SATL1: variants seen among roughly 807,000 people sequenced by gnomAD.
SATL1 encodes spermidine/spermine N1-acetyl transferase like 1.
In SATL1, 47 loss-of-function variants were observed where a neutral mutation model predicts 51.8. The ratio of observed to expected loss-of-function variants is 0.91; its 90% CI spans 0.72 to 1.16. The LOEUF (loss-of-function observed/expected upper bound fraction) is 1.16, where lower values mean the gene tolerates loss of function less well. Among genes scored for constraint, SATL1 ranks in the 50% most tolerant of loss-of-function variants. SATL1 has a pLI of 0.00. For synonymous variants in SATL1, 176 were observed against 182.4 expected (o/e 0.97, Z 0.28); for missense variants, 520 against 526.4 (o/e 0.99, Z 0.12).
intron 2 of SATL1, chrX:85,117,670 A>C (rs759548584): frequency 8.9e-6 from 1 of 111,757 alleles, no homozygotes; most frequent in East Asian, 2.8e-4. Flanking sequence ...ATAGGTTCTG[A>C]AATAAGAACT....
chrX:85,093,988 A>C, intron 6 of SATL1, 140 bp downstream of exon 6: 1 of 389,284 alleles, frequency 2.6e-6, no homozygotes, highest in South Asian at 6.3e-5. Context: ...CAAACTCATT[A>C]GGATAGTGAT....
chrX:85,222,035 T>C (rs1450075355), intron 2 of SATL1, among the ~76,000 whole-genome samples: 5 of 111,723 alleles, frequency 4.5e-5, no homozygotes, highest in African/African-American at 1.6e-4. Flanking sequence ...AGGCTGCTAT[T>C]GTAAGTTCTA....
At chrX:85,242,423 T>A (rs777326386) in intron 1 of SATL1, among the ~76,000 whole-genome samples, 1 of 112,721 alleles carries the variant, frequency 8.9e-6, no homozygotes, top group Non-Finnish European at 1.9e-5. Flanking sequence ...GACTGCTGCC[T>A]GTTATTCTAT....
At chrX:85,227,148 C>T (rs189041513) in intron 1 of SATL1, among the ~76,000 whole-genome samples, 200 of 111,558 alleles carry the variant, frequency 1.8e-3, no homozygotes, top group African/African-American at 6.1e-3. Flanking sequence ...TGACCACGAA[C>T]CTCATCTGTG....
chrX:85,159,603 G>A (rs1451825153), intron 2 of SATL1, among the ~76,000 whole-genome samples: 1 of 111,549 alleles, frequency 9.0e-6, no homozygotes, highest in Non-Finnish European at 1.9e-5. Flanking sequence ...GAAGTGTACT[G>A]GAAATAAGAA....
At chrX:85,098,565 C>G (rs752315803) in intron 4 of SATL1, among the ~76,000 whole-genome samples, 1 of 111,716 alleles carries the variant, frequency 9.0e-6, no homozygotes, top group Non-Finnish European at 1.9e-5. Flanking sequence ...AGGTCACATA[C>G]CAAGTCTTAA....
chrX:85,181,892 C>T (rs1249195920), intron 2 of SATL1, among the ~76,000 whole-genome samples: 1 of 111,277 alleles, frequency 9.0e-6, no homozygotes, highest in Non-Finnish European at 1.9e-5. Context: ...ACAATGTGTA[C>T]ATTTTTCTGG....
chrX:85,105,088 T>A (rs1215675806), intron 3 of SATL1, among the ~76,000 whole-genome samples: 1 of 111,969 alleles, frequency 8.9e-6, no homozygotes, highest in Non-Finnish European at 1.9e-5. Flanking sequence ...TTTGAATTTT[T>A]AAAATGTTTC....
intron 2 of SATL1, chrX:85,142,777 A>G (rs867042975): frequency 1.3e-4 from 15 of 111,638 alleles, no homozygotes; most frequent in African/African-American, 4.6e-4. Context: ...GGAGAAAAAG[A>G]GAGAAAATAT....
At chrX:85,149,882 C>T (rs1248023346) in intron 2 of SATL1, among the ~76,000 whole-genome samples, 6 of 111,633 alleles carry the variant, frequency 5.4e-5, no homozygotes, top group Non-Finnish European at 9.4e-5. Context: ...AAAATTGACA[C>T]CCTAACATCA....
At chrX:85,107,256 C>T in intron 3 of SATL1, 72 bp downstream of exon 3, 1 of 923,895 alleles carries the variant, frequency 1.1e-6, no homozygotes, top group Non-Finnish European at 1.5e-6. Context: ...ATTCGAACCC[C>T]AACTATGCCT....
At chrX:85,196,768 A>T (rs982050011) in intron 2 of SATL1, among the ~76,000 whole-genome samples, 15 of 111,765 alleles carry the variant, frequency 1.3e-4, no homozygotes, top group Non-Finnish European at 1.7e-4. Flanking sequence ...CAAAAAAATC[A>T]TCCTGGGACA....
intron 1 of SATL1, among the ~76,000 whole-genome samples, chrX:85,229,209 C>T (rs758768197): frequency 8.9e-6 from 1 of 111,755 alleles, no homozygotes; most frequent in South Asian, 3.7e-4. Context: ...GACCAAATGC[C>T]TTCACTGGTG....
At chrX:85,132,400 G>A (rs1017466105) in intron 2 of SATL1, among the ~76,000 whole-genome samples, 1 of 108,690 alleles carries the variant, frequency 9.2e-6, no homozygotes, top group African/African-American at 3.4e-5. Flanking sequence ...TCATTAATTT[G>A]ATCTTCAATC....
intron 2 of SATL1, among the ~76,000 whole-genome samples, chrX:85,129,576 A>T (rs946520111): frequency 5.4e-5 from 6 of 111,859 alleles, no homozygotes; most frequent in African/African-American, 2.0e-4. Context: ...TAAATATACA[A>T]TCATGTCTTC....
intron 2 of SATL1, among the ~76,000 whole-genome samples, chrX:85,195,378 G>T (rs966905592): frequency 2.7e-5 from 3 of 111,459 alleles, no homozygotes; most frequent in African/African-American, 9.8e-5. Flanking sequence ...CACATTTTTA[G>T]AAGATTGAGT....
chrX:85,213,890 T>C (rs990006022), intron 2 of SATL1, among the ~76,000 whole-genome samples: 1 of 111,134 alleles, frequency 9.0e-6, no homozygotes, highest in Non-Finnish European at 1.9e-5. Context: ...TTTGGGTCAA[T>C]ACATGTGGAA....
intron 2 of SATL1, among the ~76,000 whole-genome samples, chrX:85,166,291 A>C (rs1177505619): frequency 8.9e-6 from 1 of 111,953 alleles, no homozygotes; most frequent in African/African-American, 3.2e-5. Context: ...GGACTTAATT[A>C]AACTAAAAAG....
At chrX:85,164,444 G>C (rs1478314639) in intron 2 of SATL1, among the ~76,000 whole-genome samples, 1 of 111,571 alleles carries the variant, frequency 9.0e-6, no homozygotes, top group East Asian at 2.8e-4. Flanking sequence ...AGTGGTGAAT[G>C]CTCTTAGCAT....
Sources: gnomAD v4.1 joint callset for allele counts (sites outside exome capture counted in the v4.1 genomes callset) on GRCh38, gnomAD v4.1.1 for gene constraint, MANE v1.5 for transcripts, NCBI Gene and HGNC (gene_info 2026-07-23, HGNC 2026-07-21) for gene names.